CCDC40: variants seen among roughly 807,000 people sequenced by gnomAD.
The protein encoded by CCDC40 is coiled-coil domain-containing protein 40.
CCDC40 carries 104 observed loss-of-function variants against 124.5 expected under a neutral mutation model. The ratio of observed to expected loss-of-function variants is 0.84; its 90% CI spans 0.71 to 0.98. CCDC40 has a LOEUF of 0.98. Ranked by LOEUF, CCDC40 falls within the 50% of genes least tolerant of loss-of-function variation. The probability of loss-of-function intolerance (pLI) is 0.00; values close to 1 mark genes in which losing one functional copy is unlikely to be tolerated. For synonymous variants in CCDC40, 580 were observed against 602.9 expected, an observed-to-expected ratio of 0.96 and a Z score of 0.56; for missense variants, 1,463 against 1,503.9, an observed-to-expected ratio of 0.97 and a Z score of 0.45.
At chr17:80,043,069 G>A (rs1284370019) in intron 3 of CCDC40, among the ~76,000 whole-genome samples, 1 of 152,024 alleles carries the variant, frequency 6.6e-6, no homozygotes. Context: ...TTAAACTCTT[G>A]GTTTATTTAT....
chr17:80,048,808 A>T (rs1360855948), intron 5 of CCDC40, 47 bp downstream of exon 5: 1 of 1,516,386 alleles, frequency 6.6e-7, no homozygotes, highest in Non-Finnish European at 9.0e-7. Flanking sequence ...TGGATGGCGA[A>T]TGACTCAGGC....
At position 80,087,424 on chromosome 17, in the gene CCDC40, C is replaced by A; in HGVS notation, c.2450-183C>A. 1.5e-6 allele frequency: 1 copy of A among 654,654 alleles called. No individual in the cohort carries two copies. The highest frequency in any genetic ancestry group is 2.8e-5 in the East Asian group (1 of 36,260). The allele number at this position is 654,654 out of a possible 1,614,324, so 40.6% of individuals were successfully genotyped here. A position where few individuals can be genotyped will look rare whatever the true frequency, so the allele number is the denominator to read the frequency against. ...CAGCCAAAAAGAGACCCCCTGTCCTCTCCTCTCCTCTGTCCTGGCAGGGAC... is the reference window on the plus strand; with the variant it reads ...CAGCCAAAAAGAGACCCCCTGTCCTATCCTCTCCTCTGTCCTGGCAGGGAC... On this transcript the variant is annotated intron_variant, in intron 14 of 19. Transcript: ENST00000397545. This position sits in a 1 kb window ranked among gnomAD's most constrained non-coding sequence, Gnocchi z 4.5.
intron 2 of CCDC40, among the ~76,000 whole-genome samples, chr17:80,038,731 A>G (rs1483699881): frequency 6.6e-6 from 1 of 151,728 alleles, no homozygotes; most frequent in Non-Finnish European, 1.5e-5. Flanking sequence ...AGGCTGAGGC[A>G]GGAGAATGGC....
chr17:80,072,199 C>G (rs1429620209), intron 10 of CCDC40, among the ~76,000 whole-genome samples: 3 of 152,096 alleles, frequency 2.0e-5, no homozygotes, highest in South Asian at 2.1e-4. Flanking sequence ...GCATCCCCAC[C>G]GTAAGCTGAG....
At chr17:80,055,739 A>G (rs2037717513) in intron 7 of CCDC40, among the ~76,000 whole-genome samples, 1 of 151,840 alleles carries the variant, frequency 6.6e-6, no homozygotes, top group Non-Finnish European at 1.5e-5. Flanking sequence ...ACTAAGAGGA[A>G]GTTTTCGTCT....
At chr17:80,040,468 C>A (rs1189949608) in intron 3 of CCDC40, 198 bp downstream of exon 3, 7 of 604,174 alleles carry the variant, frequency 1.2e-5, no homozygotes, top group Admixed American at 2.9e-5. Flanking sequence ...CACCTGAGGT[C>A]AGGAGTTCGA....
intron 9 of CCDC40, among the ~76,000 whole-genome samples, chr17:80,060,330 C>T (rs897512956): frequency 1.3e-5 from 2 of 151,726 alleles, no homozygotes; most frequent in Non-Finnish European, 2.9e-5. Context: ...ATGGCTTGAG[C>T]CCAGAAGTTC....
rs192502614 is a variant in CCDC40 at position 80,068,033 on chromosome 17, T to C, written c.1562+2427T>C. The C allele has an allele frequency of 3.9e-4, 394 of 1,015,912 alleles. 2 individuals are homozygous for C. The African/African-American group carries it at 6.5e-3, about 17-fold the overall frequency. 62.9% of individuals were successfully genotyped at this position (1,015,912 alleles called of 1,614,324 possible). Reference sequence around the variant, plus strand: ...AGGAGTGAGGCCCAACTTTTATTTATTATATTTTTGTGGTTCTTGCAATGG... The same window carrying C: ...AGGAGTGAGGCCCAACTTTTATTTACTATATTTTTGTGGTTCTTGCAATGG... On this transcript the variant is annotated intron_variant, in intron 10 of 19. Transcript: ENST00000397545.
intron 12 of CCDC40, 35 bp downstream of exon 12, chr17:80,082,093 C>T (rs2038465573): frequency 3.1e-6 from 5 of 1,599,122 alleles, no homozygotes; most frequent in Admixed American, 1.7e-5. Flanking sequence ...CTGTGCGAAG[C>T]CCCCTGCAGC....
intron 10 of CCDC40, among the ~76,000 whole-genome samples, chr17:80,077,952 GCAAAA>G (rs2038348270): frequency 6.6e-6 from 1 of 152,140 alleles, no homozygotes; most frequent in African/African-American, 2.4e-5. Flanking sequence ...CTTTTGAAGA[GCAAAA>G]GTTTTAAATT....
chr17:80,058,850 T>G lies in CCDC40; in HGVS notation c.1318-8T>G. On this transcript the variant is annotated splice_region_variant and splice_polypyrimidine_tract_variant and intron_variant, in intron 8 of 19. Coordinates refer to ENST00000397545, the MANE Select transcript of CCDC40 (RefSeq NM_017950.4). This position sits in a 1 kb window ranked among gnomAD's most constrained non-coding sequence, Gnocchi z 4.2. ...CCTGACGGGGCTGCTTCTCATCCTG[T>G]TTCCCAGGACCTGTATGTGGACCAG... 2.5e-6 allele frequency: 4 copies of G among 1,614,070 alleles called. No homozygotes were observed. Among genetic ancestry groups the G allele is most frequent in the Non-Finnish European group, 3.4e-6 (4 of 1,180,004 alleles).
intron 10 of CCDC40, among the ~76,000 whole-genome samples, chr17:80,078,217 G>C (rs571935443): frequency 6.6e-6 from 1 of 151,610 alleles, no homozygotes; most frequent in Non-Finnish European, 1.5e-5. Flanking sequence ...TGTAGTCCCA[G>C]CTACTTGGGA....
At position 80,060,717 on chromosome 17, in the gene CCDC40, G is replaced by C. The variant is rs1363657846; in HGVS notation, c.1440+1737G>C. The stretch of plus-strand genomic sequence containing the variant: ...AATAAAACAAAACCGTAAAGTTCTA[G>C]AGGCTAAAATAATGTGTCACAAGAT... On this transcript the variant is annotated intron_variant, in intron 9 of 19. Coordinates refer to ENST00000397545, the MANE Select transcript of CCDC40 (RefSeq NM_017950.4). 3.3e-5 allele frequency among the ~76,000 whole-genome samples: 5 copies of C among 152,244 alleles called. No individual in the cohort carries two copies. In the East Asian group the frequency reaches 9.6e-4, roughly 29 times the overall value.
intron 3 of CCDC40, among the ~76,000 whole-genome samples, chr17:80,041,474 C>T (rs1342950272): frequency 6.6e-6 from 1 of 151,264 alleles, no homozygotes; most frequent in Non-Finnish European, 1.5e-5. Context: ...CACCCCTGTA[C>T]TCCTGCATGG....
chr17:80,085,079 A>C (rs566251454), intron 13 of CCDC40, 91 bp downstream of exon 13: 11 of 1,506,518 alleles, frequency 7.3e-6, no homozygotes, highest in South Asian at 2.4e-5. Flanking sequence ...TCAGACATGA[A>C]CTCCTGGAAG....
intron 12 of CCDC40, among the ~76,000 whole-genome samples, chr17:80,083,198 G>A (rs2038499498): frequency 6.6e-6 from 1 of 151,792 alleles, no homozygotes. Flanking sequence ...TGGAGCCATA[G>A]CCCCTGCAGG....
At chr17:80,099,492 G>A in intron 19 of CCDC40, 35 bp from the exon 20 acceptor site, 1 of 1,600,286 alleles carries the variant, frequency 6.2e-7, no homozygotes, top group Non-Finnish European at 8.5e-7. Flanking sequence ...CTTCTGGTTT[G>A]CATAGCCCTA....
intron 17 of CCDC40, chr17:80,090,917 T>TA (rs2038711119): frequency 3.1e-6 from 2 of 653,630 alleles, no homozygotes; most frequent in Non-Finnish European, 4.0e-6. Context: ...CTTTTCATAT[T>TA]ACAGAAGCCA....
At chr17:80,054,803 G>GTTTCTACTAAAAGTAGAAAACTGATACT (rs1254385678) in intron 7 of CCDC40, among the ~76,000 whole-genome samples, 2 of 152,022 alleles carry the variant, frequency 1.3e-5, no homozygotes, top group Non-Finnish European at 2.9e-5. Flanking sequence ...GTGAAACCCT[G>GTTTCTACTAAAAGTAGAAAACTGATACT]TTTCTACTAA....
Sources: gnomAD v4.1 joint callset for allele counts (sites outside exome capture counted in the v4.1 genomes callset) on GRCh38, gnomAD v4.1.1 for gene constraint, Gnocchi (gnomAD v3.1) non-coding constraint, MANE v1.5 for transcripts, NCBI Gene and HGNC (gene_info 2026-07-23, HGNC 2026-07-21) for gene names.